The following ADAP1 variants were observed in gnomAD, a reference collection of about 807,000 sequenced individuals.
ADAP1 encodes the protein ArfGAP with dual PH domains 1.
ADAP1 carries 31 observed loss-of-function variants against 54.9 expected under a neutral mutation model. The observed-to-expected ratio is 0.56, with a 90% confidence interval of 0.42 to 0.76. The LOEUF is 0.76. Among genes scored for constraint, ADAP1 ranks in the 30% least tolerant of loss-of-function variants. The probability of loss-of-function intolerance (pLI) is 0.00; values close to 1 mark genes in which losing one functional copy is unlikely to be tolerated. For missense variants in ADAP1, 535 were observed against 512.4 expected (o/e 1.04, Z -0.42); for synonymous variants, 313 against 202.6 (o/e 1.55, Z -4.63).
At chr7:907,379 G>T (rs1845514122) in intron 4 of ADAP1, among the ~76,000 whole-genome samples, 1 of 152,134 alleles carries the variant, frequency 6.6e-6, no homozygotes, top group Admixed American at 6.5e-5. Flanking sequence ...GGGCCCCAGA[G>T]CCCAGGAGCA....
chr7:904,832 C>A (rs936213647), intron 5 of ADAP1, among the ~76,000 whole-genome samples: 1 of 152,240 alleles, frequency 6.6e-6, no homozygotes, highest in Non-Finnish European at 1.5e-5. Flanking sequence ...GGGGGCCCCG[C>A]CCGGCCGCCC....
chr7:953,155 G>A (rs766454300), intron 1 of ADAP1, among the ~76,000 whole-genome samples: 16 of 152,266 alleles, frequency 1.1e-4, no homozygotes, highest in Admixed American at 2.6e-4. Context: ...AGGTCTGTGG[G>A]GAGAGAGTCT....
intron 2 of ADAP1, among the ~76,000 whole-genome samples, chr7:929,185 G>A (rs2091481): frequency 0.09 from 13,715 of 151,780 alleles, 839 homozygotes; most frequent in East Asian, 0.29. Context: ...CCAGCTACTC[G>A]GGAGGCTGAG....
At chr7:911,121 T>C (rs923172114) in intron 4 of ADAP1, among the ~76,000 whole-genome samples, 3 of 152,078 alleles carry the variant, frequency 2.0e-5, no homozygotes. Context: ...TGCGGAGGGC[T>C]CCAGGTCCCA....
chr7:904,306 G>A (rs753641785), intron 5 of ADAP1, 34 bp from the exon 6 acceptor site: 17 of 1,533,724 alleles, frequency 1.1e-5, no homozygotes, highest in Non-Finnish European at 1.2e-5. Context: ...ACCTCACAGG[G>A]GCCGTCGTCC....
At chr7:928,741 C>T (rs926121522) in intron 2 of ADAP1, among the ~76,000 whole-genome samples, 1 of 152,186 alleles carries the variant, frequency 6.6e-6, no homozygotes, top group African/African-American at 2.4e-5. Context: ...ATCAGAGCCC[C>T]CGCACGCTGC....
At chr7:919,322 G>A (rs960534215) in intron 4 of ADAP1, among the ~76,000 whole-genome samples, 4 of 152,164 alleles carry the variant, frequency 2.6e-5, no homozygotes, top group Admixed American at 1.3e-4. Flanking sequence ...ATGGAAGTGC[G>A]TGGCCACCAC....
Position 905,175 on chromosome 7 carries a change from G to A in ADAP1, c.389-3C>T, listed in dbSNP as rs777808105. 13 of 1,610,674 alleles carry A rather than the reference G, an allele frequency of 8.1e-6. 1 individual carries two copies. In the South Asian group the frequency reaches 1.2e-4, roughly 15 times the overall value. On this transcript the variant is annotated splice_region_variant and splice_polypyrimidine_tract_variant and intron_variant, in intron 4 of 10. Coordinates refer to ENST00000265846, the MANE Select transcript of ADAP1 (RefSeq NM_006869.4). ...CCAGAGAAAACCCTCACGGTACCCT[G>A]TGGGGGAAAGGGGACACGAGTCGGT...
At chr7:933,149 C>T (rs1325156612) in intron 2 of ADAP1, among the ~76,000 whole-genome samples, 30 of 151,760 alleles carry the variant, frequency 2.0e-4, no homozygotes, top group African/African-American at 7.3e-4. Context: ...CGTGCACCTG[C>T]AATCCCAGCC....
At chr7:939,861 G>T (rs990225528) in intron 1 of ADAP1, among the ~76,000 whole-genome samples, 3 of 151,608 alleles carry the variant, frequency 2.0e-5, no homozygotes, top group African/African-American at 7.3e-5. Flanking sequence ...GCCAATGTCT[G>T]CTTAGAGGGA....
chr7:928,469 G>T (rs1177991749), intron 2 of ADAP1, among the ~76,000 whole-genome samples: 5 of 152,206 alleles, frequency 3.3e-5, no homozygotes, highest in Non-Finnish European at 5.9e-5. Flanking sequence ...TAATGGAGGT[G>T]GGGTTCCACT....
chr7:944,854 C>T (rs1215268594), intron 1 of ADAP1, among the ~76,000 whole-genome samples: 1 of 151,802 alleles, frequency 6.6e-6, no homozygotes, highest in Non-Finnish European at 1.5e-5. Flanking sequence ...CTCTACCCAC[C>T]CTGAGACTCT....
At chr7:916,850 G>A (rs953809401) in intron 4 of ADAP1, among the ~76,000 whole-genome samples, 1 of 152,136 alleles carries the variant, frequency 6.6e-6, no homozygotes, top group South Asian at 2.1e-4. Context: ...GCTCAGGCCT[G>A]GGGCAGCCTC....
rs1029258873 is a variant in ADAP1, at chr7:926,436, GCTTCTCCCC to G, written c.305+108_305+116del. 61 of 858,836 alleles carry G rather than the reference GCTTCTCCCC, an allele frequency of 7.1e-5. No homozygotes were observed. The highest frequency in any genetic ancestry group is 1.0e-4 in the Non-Finnish European group (58 of 582,232). The allele number at this position is 858,836 out of a possible 1,614,324, so 53.2% of individuals were successfully genotyped here. A position where few individuals can be genotyped will look rare whatever the true frequency, so the allele number is the denominator to read the frequency against. ...GGTCTGGGGGACGCAGCTGCGGCTG[GCTTCTCCCC>G]GACCCTGTGGGCGGCACCCAACTCC... On this transcript the variant is annotated intron_variant, in intron 3 of 10. Coordinates refer to ENST00000265846, the MANE Select transcript of ADAP1 (RefSeq NM_006869.4). This position sits in a 1 kb window ranked among gnomAD's most constrained non-coding sequence, Gnocchi z 4.6.
chr7:920,096 G>A lies in ADAP1; in HGVS notation c.306-46C>T, dbSNP rs768156079. 9.0e-6 allele frequency: 14 copies of A among 1,561,810 alleles called. No individual in the cohort carries two copies. The highest frequency in any genetic ancestry group is 3.4e-5 in the South Asian group (3 of 89,226). ...GAGCCACTGGGCCAAGGCGGCCTCC[G>A]ACCCAGCACACGCCGCTCTCTGGCC... On this transcript the variant is annotated intron_variant, in intron 3 of 10. Coordinates refer to ENST00000265846, the MANE Select transcript of ADAP1 (RefSeq NM_006869.4). The surrounding 1 kb of genome is among the most constrained non-coding windows in gnomAD (Gnocchi z 4.5).
intron 4 of ADAP1, among the ~76,000 whole-genome samples, chr7:919,080 C>T (rs1473161975): frequency 2.6e-5 from 4 of 152,336 alleles, no homozygotes; most frequent in Admixed American, 6.5e-5. Flanking sequence ...CCCACCTCCA[C>T]AGCCCCGCCA....
At chr7:914,287 T>TC (rs1845841666) in intron 4 of ADAP1, among the ~76,000 whole-genome samples, 1 of 152,140 alleles carries the variant, frequency 6.6e-6, no homozygotes, top group Admixed American at 6.5e-5. Context: ...GCCCCGAGCT[T>TC]CCCCTTCCTC....
At chr7:947,221 T>G (rs539113271) in intron 1 of ADAP1, among the ~76,000 whole-genome samples, 73 of 145,916 alleles carry the variant, frequency 5.0e-4, no homozygotes, top group African/African-American at 1.7e-3. Context: ...TTGGTTTTTT[T>G]TTTTTTTTTT....
chr7:925,033 G>T (rs560652173), intron 3 of ADAP1, among the ~76,000 whole-genome samples: 1 of 151,964 alleles, frequency 6.6e-6, no homozygotes, highest in African/African-American at 2.4e-5. Context: ...GTGCATGCAC[G>T]GGGCTGAGTC....
Sources: gnomAD v4.1 joint callset for allele counts (sites outside exome capture counted in the v4.1 genomes callset) on GRCh38, gnomAD v4.1.1 for gene constraint, Gnocchi (gnomAD v3.1) non-coding constraint, MANE v1.5 for transcripts, NCBI Gene and HGNC (gene_info 2026-07-23, HGNC 2026-07-21) for gene names.